ARAP2: variants seen among roughly 807,000 people sequenced by gnomAD.
ARAP2 encodes arf-GAP with Rho-GAP domain, ANK repeat and PH domain-containing protein 2.
ARAP2 carries 148 observed loss-of-function variants against 194.5 expected under a neutral mutation model. The observed-to-expected ratio is 0.76, with a 90% CI of 0.67 to 0.87. The LOEUF (loss-of-function observed/expected upper bound fraction) is 0.87. ARAP2 is among the 40% of genes least tolerant of loss of function. The pLI is 0.00. For synonymous variants in ARAP2, 695 were observed against 683.5 expected (o/e 1.02, Z -0.26); for missense variants, 2,128 against 1,989.7 (o/e 1.07, Z -1.32).
intron 2 of ARAP2, among the ~76,000 whole-genome samples, chr4:36,226,376 A>T (rs1287661835): frequency 6.6e-6 from 1 of 152,130 alleles, no homozygotes; most frequent in Non-Finnish European, 1.5e-5. Context: ...TAAAAAGAGG[A>T]CTCTGATCTT....
chr4:36,116,808 T>C (rs776687406), intron 25 of ARAP2, among the ~76,000 whole-genome samples: 1 of 151,682 alleles, frequency 6.6e-6, no homozygotes, highest in African/African-American at 2.4e-5. Context: ...GAGGAACAAG[T>C]ATTTAAGCTT....
chr4:36,083,938 A>G (rs1164616690), intron 28 of ARAP2, among the ~76,000 whole-genome samples: 2 of 152,122 alleles, frequency 1.3e-5, no homozygotes, highest in African/African-American at 4.8e-5. Flanking sequence ...GGAAGAGCAG[A>G]CTTGCTAAGT....
intron 11 of ARAP2, among the ~76,000 whole-genome samples, chr4:36,163,774 G>GA (rs898644695): frequency 2.6e-5 from 4 of 152,030 alleles, no homozygotes; most frequent in South Asian, 2.1e-4. Context: ...AGCAAAGGTA[G>GA]AAAAAAACAG....
chr4:36,223,590 T>G (rs1215856586), intron 2 of ARAP2, among the ~76,000 whole-genome samples: 1 of 152,186 alleles, frequency 6.6e-6, no homozygotes, highest in African/African-American at 2.4e-5. Context: ...ATTCATATGT[T>G]CAAACTCTAA....
At chr4:36,075,255 C>T (rs1342028101) in intron 31 of ARAP2, among the ~76,000 whole-genome samples, 1 of 152,064 alleles carries the variant, frequency 6.6e-6, no homozygotes. Context: ...AATGCGGTTC[C>T]CAAATCCATA....
Position 36,068,026 on chromosome 4 carries a change from T to G in ARAP2, c.4996A>C (p.Lys1666Gln), listed in dbSNP as rs1363131119. The G allele has an allele frequency of 6.2e-7, 1 of 1,614,198 alleles. No individual in the cohort carries two copies. Among genetic ancestry groups the G allele is most frequent in the Admixed American group, 1.7e-5 (1 of 60,024 alleles). The change falls in exon 33 of 33, where the codon AAA (lysine) becomes CAA (glutamine). Residue 1666 changes from lysine (K) to glutamine (Q), a missense_variant. Transcript: ENST00000303965. ...TTATGATCAGAGTCCAAAGTAGCTTTGCTATTCCTGTCCTCAGTCTTCCTC... is the reference window on the plus strand; with the variant it reads ...TTATGATCAGAGTCCAAAGTAGCTTGGCTATTCCTGTCCTCAGTCTTCCTC... ...TLRKTEDRNS[K>Q]ATLDSDHKLP... is the part of the protein sequence containing the mutation.
intron 27 of ARAP2, among the ~76,000 whole-genome samples, chr4:36,093,170 C>G (rs151212649): frequency 0.015 from 2,296 of 151,906 alleles, 58 homozygotes; most frequent in African/African-American, 0.052. Flanking sequence ...CACGTGGACA[C>G]ATAGAGGGGA....
At chr4:36,049,096 G>A (rs992055726) in intron 3 of ARAP2, among the ~76,000 whole-genome samples, 2 of 151,712 alleles carry the variant, frequency 1.3e-5, no homozygotes, top group African/African-American at 4.8e-5. Context: ...CCTATTTGTG[G>A]CCTTTGTAGT....
intron 2 of ARAP2, among the ~76,000 whole-genome samples, chr4:36,218,411 C>G (rs754150569): frequency 6.6e-6 from 1 of 151,938 alleles, no homozygotes; most frequent in Non-Finnish European, 1.5e-5. Context: ...ATATAACAAC[C>G]CAGCACATGT....
intron 2 of ARAP2, among the ~76,000 whole-genome samples, chr4:36,223,213 T>C (rs879903927): frequency 1.6e-4 from 25 of 152,094 alleles, no homozygotes; most frequent in Non-Finnish European, 2.4e-4. Context: ...TTTTAGTAAG[T>C]TAAAACTTAT....
At chr4:36,171,584 T>C (rs922570858) in intron 9 of ARAP2, among the ~76,000 whole-genome samples, 2 of 152,016 alleles carry the variant, frequency 1.3e-5, no homozygotes, top group Non-Finnish European at 2.9e-5. Context: ...GATGAGTTAA[T>C]GGGTGCAGCA....
Position 36,165,127 on chromosome 4 carries a change from C to A in ARAP2, c.1974-14G>T. ...TCGGCTGTAAAGCTGAAACAATTAA[C>A]GTTTCTGTGTTATCGATCTCCCTTG... is the stretch of plus-strand genomic sequence containing the variant. On this transcript the variant is annotated splice_polypyrimidine_tract_variant and intron_variant, in intron 10 of 32. Transcript: ENST00000303965. The A allele has an allele frequency of 6.2e-7, 1 of 1,613,444 alleles. No homozygotes were observed.
rs559168261 is a variant in ARAP2, at chr4:36,102,142, GAGCTCTT to G, written c.4285+5416_4285+5422del. Among the ~76,000 whole-genome samples the G allele has an allele frequency of 3.4e-4, 52 of 151,990 alleles. 2 individuals are homozygous for G. The South Asian group carries it at 6.6e-3, about 19-fold the overall frequency. On this transcript the variant is annotated intron_variant, in intron 27 of 32. Transcript: ENST00000303965. ...AGGCTAAAACCACTTTCCACACAAT[GAGCTCTT>G]AGGTTTAGGTATTTAGTTCCCTTCT...
At chr4:36,162,206 G>A (rs941272016) in intron 11 of ARAP2, among the ~76,000 whole-genome samples, 1 of 151,606 alleles carries the variant, frequency 6.6e-6, no homozygotes, top group Non-Finnish European at 1.5e-5. Context: ...TTCCTCATTT[G>A]GTAATCAGCT....
intron 30 of ARAP2, among the ~76,000 whole-genome samples, chr4:36,080,936 G>C (rs1729389376): frequency 6.6e-6 from 1 of 152,082 alleles, no homozygotes; most frequent in East Asian, 1.9e-4. Context: ...AGAAACCACA[G>C]ACTTGGGGAT....
rs111572553 is a variant in ARAP2, at chr4:36,165,080, G to A, written c.2007C>T (p.Asp669=). 136 of 1,614,058 alleles carry A rather than the reference G, an allele frequency of 8.4e-5. 2 individuals carry two copies. The African/African-American group carries it at 1.2e-3, about 14-fold the overall frequency. ...FTAETEKEKQ[D]WIEAVQQSIA... is the part of the protein sequence containing the mutation. ...TTGATTGCTGCACAGCTTCAATCCA[G>A]TCTTGTTTCTCCTTTTCAGTCTCGG... Residue 669 remains aspartate (D), a synonymous_variant, in exon 11 of 33, where the codon GAC becomes GAT. Transcript: ENST00000303965.
intron 19 of ARAP2, among the ~76,000 whole-genome samples, chr4:36,140,139 TACACACAC>T (rs66531233): frequency 1.2e-3 from 174 of 140,478 alleles, no homozygotes; most frequent in African/African-American, 2.2e-3. Flanking sequence ...ACAAAAACAA[TACACACAC>T]ACACACACAC....
At chr4:36,164,058 T>C (rs1339766098) in intron 11 of ARAP2, among the ~76,000 whole-genome samples, 2 of 152,222 alleles carry the variant, frequency 1.3e-5, no homozygotes, top group Non-Finnish European at 2.9e-5. Context: ...CTGAAGCCTG[T>C]ATTCAACTCT....
chr4:36,062,647 T>A (rs1024566513), downstream of ARAP2, among the ~76,000 whole-genome samples: 25 of 151,592 alleles, frequency 1.6e-4, no homozygotes, highest in African/African-American at 5.1e-4. Context: ...TGTGTGTGTG[T>A]GTGTGTGTGT....
Sources: allele counts gnomAD v4.1 joint callset (sites outside exome capture counted in the v4.1 genomes callset), GRCh38; gene constraint gnomAD v4.1.1; transcripts MANE v1.5; gene names NCBI Gene and HGNC (gene_info 2026-07-23, HGNC 2026-07-21).